PFKP: variants seen among roughly 807,000 people sequenced by gnomAD.
PFKP encodes the protein ATP-dependent 6-phosphofructokinase, platelet type.
Under a neutral mutation model 94.3 loss-of-function variants are expected in PFKP, and 101 were observed. The observed-to-expected ratio is 1.07, with a 90% confidence interval of 0.91 to 1.26. PFKP has a LOEUF of 1.26. Among genes scored for constraint, PFKP ranks in the 50% most tolerant of loss-of-function variants. The pLI is 0.00. For synonymous variants in PFKP, 573 were observed against 432.6 expected, an observed-to-expected ratio of 1.32 and a Z score of -4.03; for missense variants, 1,145 against 1,103.3, an observed-to-expected ratio of 1.04 and a Z score of -0.53.
chr10:3,131,063 TTTTTA>T (rs1363186573), intron 17 of PFKP, among the ~76,000 whole-genome samples: 2 of 83,516 alleles, frequency 2.4e-5, no homozygotes, highest in African/African-American at 9.2e-5. Flanking sequence ...CAGGTGCAGT[TTTTTA>T]TCTTTTATAA....
At chr10:3,087,458 A>C (rs1406697279) in intron 2 of PFKP, among the ~76,000 whole-genome samples, 1 of 152,106 alleles carries the variant, frequency 6.6e-6, no homozygotes, top group Non-Finnish European at 1.5e-5. Context: ...TCTGACTCTG[A>C]GATCTCATTT....
At chr10:3,111,843 C>G (rs994742450) in intron 10 of PFKP, among the ~76,000 whole-genome samples, 1 of 152,150 alleles carries the variant, frequency 6.6e-6, no homozygotes, top group Non-Finnish European at 1.5e-5. Flanking sequence ...TGTTTTTCCC[C>G]ACCATAATCA....
chr10:3,109,303 G>A (rs745988519), intron 9 of PFKP, 52 bp from the exon 10 acceptor site: 3 of 1,601,602 alleles, frequency 1.9e-6, no homozygotes, highest in Non-Finnish European at 8.5e-7. Flanking sequence ...GAGGTGACAG[G>A]GACAGGGCAG....
rs1839397581 is a variant in PFKP at position 3,136,621 on chromosome 10, C to T, written c.*42C>T. On this transcript the variant is annotated 3_prime_UTR_variant, in exon 22 of 22. Coordinates refer to ENST00000381125, the MANE Select transcript of PFKP (RefSeq NM_002627.5). ...TGTGCCTGCAGCCACCGTGGACTGT[C>T]TGTTTTTGTAACACTTAAGTTATTT... 1.9e-6 allele frequency: 3 copies of T among 1,600,790 alleles called. No homozygotes were observed. Among genetic ancestry groups the T allele is most frequent in the African/African-American group, 2.7e-5 (2 of 74,686 alleles).
intron 19 of PFKP, among the ~76,000 whole-genome samples, chr10:3,134,218 CTGATTTAAGATTTTAAAATAA>C (rs1177690803): frequency 6.6e-6 from 1 of 152,166 alleles, no homozygotes; most frequent in East Asian, 1.9e-4. Context: ...TCATGAAATC[CTGATTTAAGATTTTAAAATAA>C]TGAAGATTGT....
At chr10:3,093,667 A>C (rs1192741877) in intron 2 of PFKP, among the ~76,000 whole-genome samples, 12 of 115,920 alleles carry the variant, frequency 1.0e-4, no homozygotes, top group Non-Finnish European at 1.8e-4. Context: ...TTTTTGAGAC[A>C]GAGTCTTGCT....
At chr10:3,100,862 C>CCAAAAAAAAA in intron 3 of PFKP, 1 of 653,980 alleles carries the variant, frequency 1.5e-6, no homozygotes, top group African/African-American at 2.5e-5. Flanking sequence ...GTATGTGGTG[C>CCAAAAAAAAA]AAAAAAAAAA....
chr10:3,068,895 C>G (rs1831949991), intron 1 of PFKP, among the ~76,000 whole-genome samples: 1 of 152,188 alleles, frequency 6.6e-6, no homozygotes, highest in South Asian at 2.1e-4. Context: ...GGATTTCCTC[C>G]CGTTTCGGGG....
rs57644735 is a variant in PFKP at position 3,096,653 on chromosome 10, G to GC, written c.187-2615dup. 3.7e-3 allele frequency among the ~76,000 whole-genome samples: 552 copies of GC among 150,624 alleles called. 6 individuals are homozygous for GC. Among genetic ancestry groups the GC allele is most frequent in the African/African-American group, 0.012 (472 of 40,828 alleles). On this transcript the variant is annotated intron_variant, in intron 2 of 21. Transcript: ENST00000381125. ...TACATGCCTGCTTCCTTGTTTCCTT[G>GC]CCCCCCCGAGCTTCATGGAAGTCAA...
chr10:3,083,573 CTG>C (rs1336164785), intron 2 of PFKP, among the ~76,000 whole-genome samples: 5 of 152,150 alleles, frequency 3.3e-5, no homozygotes, highest in African/African-American at 1.2e-4. Flanking sequence ...GTTCTGTATA[CTG>C]TGTTTTTTGT....
intron 19 of PFKP, 109 bp downstream of exon 19, chr10:3,133,423 G>A: frequency 1.3e-6 from 1 of 775,444 alleles, no homozygotes; most frequent in African/African-American, 1.7e-5. Flanking sequence ...TAAATTCCAA[G>A]ATGATAAAAA....
intron 1 of PFKP, among the ~76,000 whole-genome samples, chr10:3,079,321 A>G (rs1168819498): frequency 4.0e-5 from 6 of 149,342 alleles, no homozygotes; most frequent in Admixed American, 6.7e-5. Flanking sequence ...TGCAAGCTCC[A>G]CCTCCCGGGT....
chr10:3,099,697 G>A (rs1190154568), intron 3 of PFKP, among the ~76,000 whole-genome samples: 2 of 152,212 alleles, frequency 1.3e-5, no homozygotes, highest in African/African-American at 4.8e-5. Context: ...GACAACCACG[G>A]AAGTTAGGTG....
chr10:3,105,331 C>T (rs1309604105), intron 6 of PFKP, 62 bp from the exon 7 acceptor site: 2 of 1,448,888 alleles, frequency 1.4e-6, no homozygotes, highest in East Asian at 4.5e-5. Context: ...AGCGGGGTGC[C>T]TGGGCTGCCC....
chr10:3,135,988 G>A (rs947117146), intron 21 of PFKP, 150 bp downstream of exon 21: 5 of 605,002 alleles, frequency 8.3e-6, no homozygotes, highest in African/African-American at 7.5e-5. Flanking sequence ...GGTCTTGGCT[G>A]GGCGCGGTGG....
intron 13 of PFKP, among the ~76,000 whole-genome samples, chr10:3,115,811 G>A (rs1435233588): frequency 6.6e-6 from 1 of 152,114 alleles, no homozygotes; most frequent in Non-Finnish European, 1.5e-5. Flanking sequence ...GAGTAGGGTG[G>A]GAAGAGGAAA....
rs1386858840 is a variant in PFKP at position 3,108,806 on chromosome 10, G to GGGTT, written c.963+16_963+19dup. On this transcript the variant is annotated intron_variant, in intron 9 of 21. Coordinates refer to ENST00000381125, the MANE Select transcript of PFKP (RefSeq NM_002627.5). ...CGACAGGATCTTGGTGAGTTGGGAA[G>GGGTT]GGTTGGGCATCTTCACAAGGTCTCT... 1.3e-6 allele frequency: 2 copies of GGGTT among 1,576,198 alleles called. No homozygotes were observed. The highest frequency in any genetic ancestry group is 1.7e-6 in the Non-Finnish European group (2 of 1,145,652).
intron 11 of PFKP, among the ~76,000 whole-genome samples, 178 bp from the exon 12 acceptor site, chr10:3,112,941 A>C (rs1836399918): frequency 6.6e-6 from 1 of 152,210 alleles, no homozygotes; most frequent in African/African-American, 2.4e-5. Flanking sequence ...CACGGACAGC[A>C]CCGCGGGTCG....
chr10:3,123,008 C>T (rs1388469587), intron 16 of PFKP, among the ~76,000 whole-genome samples: 1 of 152,148 alleles, frequency 6.6e-6, no homozygotes, highest in Non-Finnish European at 1.5e-5. Flanking sequence ...GTGGTGAAGC[C>T]TCATCTTCTC....
Sources: gnomAD v4.1 joint callset for allele counts (sites outside exome capture counted in the v4.1 genomes callset) on GRCh38, gnomAD v4.1.1 for gene constraint, MANE v1.5 for transcripts, NCBI Gene and HGNC (gene_info 2026-07-23, HGNC 2026-07-21) for gene names.